Variants in TBL1XR1 observed in about 807,000 individuals in gnomAD.
The protein encoded by TBL1XR1 is TBL1X/Y related 1, also known as F-box-like/WD repeat-containing protein TBL1XR1.
A neutral mutation model predicts 66.9 loss-of-function variants in TBL1XR1; 5 were observed. That is an observed-to-expected ratio of 0.07 (90% CI 0.04 to 0.16). The LOEUF (loss-of-function observed/expected upper bound fraction) is 0.16. TBL1XR1 is among the 10% of genes least tolerant of loss of function. TBL1XR1 has a pLI of 1.00. For synonymous variants in TBL1XR1, 210 were observed against 206.0 expected (o/e 1.02, Z -0.17); for missense variants, 238 against 623.2 (o/e 0.38, Z 6.58).
intron 1 of TBL1XR1, among the ~76,000 whole-genome samples, chr3:177,167,309 G>T (rs1227105952): frequency 6.6e-6 from 1 of 152,202 alleles, no homozygotes; most frequent in South Asian, 2.1e-4. Flanking sequence ...TATGGAGGCA[G>T]CCAGAAGGTT....
At chr3:177,193,769 C>T (rs1323976620) in intron 1 of TBL1XR1, among the ~76,000 whole-genome samples, 1 of 152,136 alleles carries the variant, frequency 6.6e-6, no homozygotes, top group African/African-American at 2.4e-5. Flanking sequence ...ATGATCTACA[C>T]GGATCAAGAC....
intron 1 of TBL1XR1, among the ~76,000 whole-genome samples, chr3:177,189,959 C>T (rs780796357): frequency 6.6e-6 from 1 of 151,586 alleles, no homozygotes; most frequent in Non-Finnish European, 1.5e-5. Flanking sequence ...GAAGAAAAAA[C>T]CTAACAGATT....
At chr3:177,117,630 T>C (rs1347086488) in intron 1 of TBL1XR1, among the ~76,000 whole-genome samples, 1 of 152,198 alleles carries the variant, frequency 6.6e-6, no homozygotes, top group East Asian at 1.9e-4. Context: ...ATTCTATTAA[T>C]ATGCATCTTT....
chr3:177,032,980 C>A lies in TBL1XR1; in HGVS notation c.1407G>T (p.Trp469Cys). The change falls in exon 14 of 16, where the codon TGG (tryptophan) becomes TGT (cysteine). Residue 469 changes from tryptophan to cysteine, a missense_variant. Physicochemically the swap from Trp to Cys is radical, Grantham distance 215. Around this residue, in one of 8 missense-constraint regions of TBL1XR1, gnomAD observed 26 missense variants for 35.1 expected, o/e 0.74. Transcript: ENST00000457928. ...SGSFDKCVHI[W>C]NTQTGALVHS... ...AATAATGAAGACATACCTGCGTGTT[C>A]CAGATGTGTACACATTTGTCAAAAG... is the stretch of plus-strand genomic sequence containing the variant. 6.3e-7 allele frequency: 1 copy of A among 1,587,206 alleles called. No individual in the cohort carries two copies. Among genetic ancestry groups the A allele is most frequent in the Non-Finnish European group, 8.6e-7 (1 of 1,165,554 alleles).
chr3:177,030,532 G>A (rs959253254), intron 14 of TBL1XR1, among the ~76,000 whole-genome samples: 2 of 152,034 alleles, frequency 1.3e-5, no homozygotes, highest in Non-Finnish European at 2.9e-5. Flanking sequence ...GATTGCTATA[G>A]CCTCTAGGAA....
intron 2 of TBL1XR1, among the ~76,000 whole-genome samples, chr3:177,091,574 G>A (rs1179650813): frequency 6.6e-6 from 1 of 152,154 alleles, no homozygotes; most frequent in African/African-American, 2.4e-5. Context: ...CTAGAGTCAT[G>A]TCAGAAAAGA....
intron 1 of TBL1XR1, among the ~76,000 whole-genome samples, chr3:177,148,700 C>A (rs1281465607): frequency 6.7e-6 from 1 of 149,742 alleles, no homozygotes; most frequent in African/African-American, 2.5e-5. Flanking sequence ...GAATAAGACT[C>A]GAGAAAAAAA....
At chr3:177,174,881 C>T (rs865942338) in intron 1 of TBL1XR1, among the ~76,000 whole-genome samples, 1 of 152,278 alleles carries the variant, frequency 6.6e-6, no homozygotes, top group East Asian at 1.9e-4. Flanking sequence ...GTTCCTATTA[C>T]GGTCAGAAGA....
At chr3:177,194,313 G>A (rs1736550377) in intron 1 of TBL1XR1, among the ~76,000 whole-genome samples, 1 of 152,120 alleles carries the variant, frequency 6.6e-6, no homozygotes, top group African/African-American at 2.4e-5. Flanking sequence ...TTGCATTTCA[G>A]TGACTTATAC....
At chr3:177,143,958 G>C (rs1200098877) in intron 1 of TBL1XR1, among the ~76,000 whole-genome samples, 1 of 152,170 alleles carries the variant, frequency 6.6e-6, no homozygotes, top group African/African-American at 2.4e-5. Context: ...AGTTAAGAAA[G>C]TGACATATTC....
intron 1 of TBL1XR1, among the ~76,000 whole-genome samples, chr3:177,103,040 A>C (rs1724418351): frequency 6.6e-6 from 1 of 152,228 alleles, no homozygotes; most frequent in Non-Finnish European, 1.5e-5. Context: ...ATAAAATGTT[A>C]GTGTCTAGAT....
chr3:177,068,548 A>G (rs1437574874), intron 2 of TBL1XR1, among the ~76,000 whole-genome samples: 1 of 152,258 alleles, frequency 6.6e-6, no homozygotes, highest in Non-Finnish European at 1.5e-5. Flanking sequence ...AGCTACGACT[A>G]TTCAGTGAGC....
At chr3:177,053,957 A>G (rs1041280866) in intron 3 of TBL1XR1, 39 bp from the exon 4 acceptor site, 2 of 1,574,414 alleles carry the variant, frequency 1.3e-6, no homozygotes, top group African/African-American at 2.7e-5. Context: ...TTATTTTCCT[A>G]GTGGCAACAT....
At chr3:177,174,718 G>C (rs1481661247) in intron 1 of TBL1XR1, among the ~76,000 whole-genome samples, 2 of 152,092 alleles carry the variant, frequency 1.3e-5, no homozygotes, top group African/African-American at 2.4e-5. Flanking sequence ...AGAATTACTG[G>C]TGTCATTCAC....
At chr3:177,143,634 T>C (rs1331680764) in intron 1 of TBL1XR1, among the ~76,000 whole-genome samples, 2 of 152,232 alleles carry the variant, frequency 1.3e-5, no homozygotes, top group Non-Finnish European at 2.9e-5. Flanking sequence ...AGATTATATT[T>C]ATCTCATTAA....
At position 177,081,496 on chromosome 3, in the gene TBL1XR1, T is replaced by C. The variant is rs536214488; in HGVS notation, c.-45-16474A>G. ...GGGTTGTGGTGGCTCACACCTTTAA[T>C]ACCAGCACTCTGGGAGGCTGAGAGA... On this transcript the variant is annotated intron_variant, in intron 2 of 15. Coordinates refer to ENST00000457928, the MANE Select transcript of TBL1XR1 (RefSeq NM_024665.7). Among the ~76,000 whole-genome samples the C allele has an allele frequency of 9.9e-5, 15 of 152,242 alleles. No individual in the cohort carries two copies. In the South Asian group the frequency reaches 2.3e-3, roughly 23 times the overall value.
chr3:177,115,986 C>CT (rs1726261898), intron 1 of TBL1XR1, among the ~76,000 whole-genome samples: 2 of 152,108 alleles, frequency 1.3e-5, no homozygotes, highest in Non-Finnish European at 2.9e-5. Flanking sequence ...GAAGCTTTTG[C>CT]TTTAATGAAA....
chr3:177,045,071 G>T (rs961015007), intron 10 of TBL1XR1: 2 of 152,038 alleles, frequency 1.3e-5, no homozygotes, highest in African/African-American at 4.8e-5. Context: ...AACTTATTCA[G>T]ATACTACAGA....
intron 3 of TBL1XR1, among the ~76,000 whole-genome samples, chr3:177,055,304 A>T (rs1284999353): frequency 1.3e-5 from 2 of 152,020 alleles, no homozygotes; most frequent in Non-Finnish European, 2.9e-5. Context: ...AAATTTGGTT[A>T]TTTGATAGTC....
Sources: gnomAD v4.1 joint callset for allele counts (sites outside exome capture counted in the v4.1 genomes callset) on GRCh38, gnomAD v4.1.1 for gene constraint, gnomAD v4.1.1 regional missense constraint, MANE v1.5 for transcripts, NCBI Gene and HGNC (gene_info 2026-07-23, HGNC 2026-07-21) for gene names.